DNAH6: variants seen among roughly 807,000 people sequenced by gnomAD.
The protein encoded by DNAH6 is axonemal beta dynein heavy chain 6.
DNAH6 carries 340 observed loss-of-function variants against 491.4 expected under a neutral mutation model. That is an observed-to-expected ratio of 0.69 (90% CI 0.63 to 0.76). The LOEUF is 0.76. DNAH6 is among the 30% of genes least tolerant of loss of function. The pLI is 0.00. For synonymous variants in DNAH6, 1,603 were observed against 1,686.1 expected, an observed-to-expected ratio of 0.95 and a Z score of 1.21; for missense variants, 4,443 against 4,972.2, an observed-to-expected ratio of 0.89 and a Z score of 3.20.
rs3029918 is a variant in DNAH6, at chr2:84,692,417, G to GTAGA, written c.7293-1769_7293-1766dup. Among the ~76,000 whole-genome samples, 931 of 144,956 alleles carry GTAGA rather than the reference G, an allele frequency of 6.4e-3. 6 individuals carry two copies. Among genetic ancestry groups the GTAGA allele is most frequent in the East Asian group, 0.014 (68 of 4,890 alleles). ...TTCAATTATCAACAATATAAATAAG[G>GTAGA]TAGATAGATAGATAGATAGATAGAT... On this transcript the variant is annotated intron_variant, in intron 45 of 76. Coordinates refer to ENST00000389394, the MANE Select transcript of DNAH6 (RefSeq NM_001370.2).
the DNAH6 span, among the ~76,000 whole-genome samples, chr2:84,481,738 G>A: frequency 6.6e-6 from 1 of 152,196 alleles, no homozygotes; most frequent in African/African-American, 2.4e-5. Flanking sequence ...TAAGGAGGCA[G>A]GAAGTGACCT....
At chr2:84,600,830 C>A (rs72941057) in intron 18 of DNAH6, among the ~76,000 whole-genome samples, 6 of 151,570 alleles carry the variant, frequency 4.0e-5, no homozygotes, top group Non-Finnish European at 7.4e-5. Flanking sequence ...GAAGTTACTA[C>A]GCACAGCCAT....
chr2:84,611,257 G>T (rs1231972459), intron 21 of DNAH6, among the ~76,000 whole-genome samples: 1 of 151,986 alleles, frequency 6.6e-6, no homozygotes, highest in East Asian at 1.9e-4. Flanking sequence ...TTAAAGAAAG[G>T]TGAATGAAAA....
chr2:84,799,855 A>C (rs1268286927), intron 70 of DNAH6, among the ~76,000 whole-genome samples: 2 of 152,172 alleles, frequency 1.3e-5, no homozygotes, highest in Non-Finnish European at 2.9e-5. Context: ...ACCCTCACCC[A>C]CATTCCCATT....
intron 33 of DNAH6, among the ~76,000 whole-genome samples, chr2:84,648,067 G>A (rs1690061221): frequency 6.6e-6 from 1 of 152,150 alleles, no homozygotes; most frequent in Non-Finnish European, 1.5e-5. Flanking sequence ...TTTTCACACT[G>A]AAAAGCAGTC....
intron 18 of DNAH6, 31 bp downstream of exon 18, chr2:84,595,820 G>A (rs1293806655): frequency 1.2e-5 from 19 of 1,521,352 alleles, no homozygotes; most frequent in Non-Finnish European, 1.6e-5. Context: ...TTCAAAAACT[G>A]TAGGCCAGTT....
chr2:84,707,680 C>T lies in DNAH6; in HGVS notation c.9012C>T (p.Ala3004=). The T allele has an allele frequency of 6.4e-7, 1 of 1,552,306 alleles. No homozygotes were observed. The highest frequency in any genetic ancestry group is 2.4e-5 in the East Asian group (1 of 40,914). The change falls in exon 54 of 77, where the codon GCC becomes GCT. Residue 3004 remains alanine (A), a synonymous_variant. Coordinates refer to ENST00000389394, the MANE Select transcript of DNAH6 (RefSeq NM_001370.2). ...TGTTCATAGCAGCAGCTTGTGTGGC[C>T]TACTATGGGGCTTTCACAGCCCAGT... ...GNVFIAAACV[A]YYGAFTAQYR...
chr2:84,798,988 C>CTTTT (rs34678148), intron 70 of DNAH6, among the ~76,000 whole-genome samples: 1 of 136,634 alleles, frequency 7.3e-6, no homozygotes, highest in Non-Finnish European at 1.6e-5. Flanking sequence ...TTTTTCTTTC[C>CTTTT]TTTTTTTTTT....
intron 56 of DNAH6, among the ~76,000 whole-genome samples, chr2:84,710,833 A>G (rs535015288): frequency 6.6e-6 from 1 of 151,940 alleles, no homozygotes; most frequent in Non-Finnish European, 1.5e-5. Context: ...AGTGAATTAG[A>G]TAAGAATTAA....
At chr2:84,509,071 A>C in the DNAH6 span, among the ~76,000 whole-genome samples, 17 of 152,160 alleles carry the variant, frequency 1.1e-4, no homozygotes, top group African/African-American at 4.1e-4. Context: ...AGTTCTGTAG[A>C]TGTCTATTAG....
intron 37 of DNAH6, among the ~76,000 whole-genome samples, chr2:84,662,209 G>A (rs1691577066): frequency 6.6e-6 from 1 of 152,148 alleles, no homozygotes; most frequent in Non-Finnish European, 1.5e-5. Flanking sequence ...GAGCAATGCA[G>A]AAGATGGTTG....
In DNAH6 at chr2:84,617,038, T is replaced by C; in HGVS notation, c.3572+56T>C. ...TTAGTAGTTATGACTGTCAATCAAG[T>C]TGAGGTTATAATTATAACCTCAAAG... On this transcript the variant is annotated intron_variant, in intron 23 of 76. Coordinates refer to ENST00000389394, the MANE Select transcript of DNAH6 (RefSeq NM_001370.2). The C allele has an allele frequency of 6.2e-6, 6 of 967,120 alleles. No homozygotes were observed. The South Asian group carries it at 1.1e-4, about 17-fold the overall frequency. 59.9% of individuals were successfully genotyped at this position (967,120 alleles called of 1,614,324 possible).
chr2:84,499,736 C>G, the DNAH6 span, among the ~76,000 whole-genome samples: 51 of 152,314 alleles, frequency 3.3e-4, no homozygotes, highest in Non-Finnish European at 6.5e-4. Context: ...GCCATTTTCA[C>G]TGGGGTGAAA....
rs1021151272 is a variant in DNAH6, at chr2:84,584,245, G to A, written c.2476G>A (p.Ala826Thr). ...NNEVNEVKLQAQDPQILDISA... is the reference protein window; with the variant it reads ...NNEVNEVKLQTQDPQILDISA... ...CGAAGTGAATGAAGTAAAACTGCAA[G>A]CACAGGTAAGCTAAATCATTATTTT... The change falls in exon 15 of 77, where the codon GCA (alanine) becomes ACA (threonine). Residue 826 changes from alanine to threonine, a missense_variant. Physicochemically the swap from Ala to Thr is moderately conservative, Grantham distance 58 (BLOSUM62 0). Transcript: ENST00000389394. The A allele has an allele frequency of 2.5e-6, 4 of 1,613,196 alleles. No individual in the cohort carries two copies. The highest frequency in any genetic ancestry group is 1.7e-5 in the Admixed American group (1 of 59,992).
At chr2:84,543,212 A>T (rs557056955) in intron 4 of DNAH6, among the ~76,000 whole-genome samples, 2 of 152,106 alleles carry the variant, frequency 1.3e-5, no homozygotes, top group African/African-American at 4.8e-5. Flanking sequence ...ATAAAGGACC[A>T]TGGACTCCAG....
chr2:84,514,397 T>TA (rs1483017693), upstream of DNAH6, among the ~76,000 whole-genome samples: 1 of 152,216 alleles, frequency 6.6e-6, no homozygotes, highest in Non-Finnish European at 1.5e-5. Flanking sequence ...GGTATAATAA[T>TA]ACCTCTAACA....
In DNAH6 at chr2:84,718,161, CA is replaced by C; in HGVS notation, c.9612-42del. 2.1e-6 allele frequency: 3 copies of C among 1,430,570 alleles called. No individual in the cohort carries two copies. In the South Asian group the frequency reaches 4.5e-5, roughly 22 times the overall value. 88.6% of individuals were successfully genotyped at this position (1,430,570 alleles called of 1,614,324 possible). ...AAGAAAAATAGAAGCAACTTTGAGG[CA>C]CTGGCAGAGACATAATTTAGATATC... On this transcript the variant is annotated intron_variant, in intron 58 of 76. Coordinates refer to ENST00000389394, the MANE Select transcript of DNAH6 (RefSeq NM_001370.2).
At chr2:84,489,865 G>T in the DNAH6 span, among the ~76,000 whole-genome samples, 1 of 152,126 alleles carries the variant, frequency 6.6e-6, no homozygotes, top group African/African-American at 2.4e-5. Flanking sequence ...TCTGAGATGG[G>T]GCTGCAAAAT....
At chr2:84,725,871 T>G (rs1698576587) in intron 60 of DNAH6, among the ~76,000 whole-genome samples, 1 of 152,194 alleles carries the variant, frequency 6.6e-6, no homozygotes, top group African/African-American at 2.4e-5. Flanking sequence ...ACCTCTATGG[T>G]TCTTGTCAGG....
Sources: gnomAD v4.1 joint callset for allele counts (sites outside exome capture counted in the v4.1 genomes callset) on GRCh38, gnomAD v4.1.1 for gene constraint, MANE v1.5 for transcripts, NCBI Gene and HGNC (gene_info 2026-07-23, HGNC 2026-07-21) for gene names.